Variants in ZFAT observed in about 807,000 individuals in gnomAD.
ZFAT encodes zinc finger protein ZFAT.
ZFAT carries 64 observed loss-of-function variants against 117.7 expected under a neutral mutation model. The ratio of observed to expected loss-of-function variants is 0.54; its 90% CI spans 0.44 to 0.67. ZFAT has a LOEUF of 0.67. Ranked by LOEUF, ZFAT falls within the 30% of genes least tolerant of loss-of-function variation. ZFAT has a pLI of 0.00. For missense variants in ZFAT, 1,433 were observed against 1,584.5 expected, an observed-to-expected ratio of 0.90 and a Z score of 1.62; for synonymous variants, 679 against 615.0, an observed-to-expected ratio of 1.10 and a Z score of -1.54.
the ZFAT span, among the ~76,000 whole-genome samples, chr8:134,804,667 C>T: frequency 6.6e-6 from 1 of 152,146 alleles, no homozygotes; most frequent in Non-Finnish European, 1.5e-5. Flanking sequence ...TTCTCTAAGG[C>T]CCAGCAGCAG....
chr8:134,756,387 G>T, the ZFAT span, among the ~76,000 whole-genome samples: 1 of 152,236 alleles, frequency 6.6e-6, no homozygotes, highest in Non-Finnish European at 1.5e-5. Context: ...AAACGTTCAG[G>T]AACGGGACAT....
chr8:134,635,772 G>A (rs1314185740), intron 3 of ZFAT, among the ~76,000 whole-genome samples: 5 of 152,102 alleles, frequency 3.3e-5, no homozygotes, highest in African/African-American at 1.2e-4. Context: ...CGGGTTCAGG[G>A]GAGGTCTATC....
chr8:134,669,987 G>A (rs892143146), intron 1 of ZFAT, among the ~76,000 whole-genome samples: 1 of 152,136 alleles, frequency 6.6e-6, no homozygotes, highest in African/African-American at 2.4e-5. Context: ...AACCAACAAA[G>A]ATCAAAAGAG....
chr8:134,804,625 G>A, the ZFAT span, among the ~76,000 whole-genome samples: 15 of 152,268 alleles, frequency 9.9e-5, no homozygotes, highest in South Asian at 3.1e-3. Flanking sequence ...GCAGAAACAG[G>A]AATAGGCGGT....
intron 15 of ZFAT, among the ~76,000 whole-genome samples, chr8:134,500,554 G>A (rs894132546): frequency 2.6e-5 from 4 of 152,172 alleles, no homozygotes; most frequent in Admixed American, 1.3e-4. Flanking sequence ...CAAAGAAATG[G>A]AATTTTCTGT....
chr8:134,761,837 C>A, the ZFAT span, among the ~76,000 whole-genome samples: 1 of 152,136 alleles, frequency 6.6e-6, no homozygotes, highest in Non-Finnish European at 1.5e-5. Context: ...CATTTATCAG[C>A]CCATGATCTT....
the ZFAT span, chr8:134,783,721 A>G: frequency 6.6e-6 from 1 of 152,258 alleles, no homozygotes; most frequent in Admixed American, 6.5e-5. Flanking sequence ...TTATTAGAGC[A>G]AAAGTACAGT....
Position 134,608,758 on chromosome 8 carries a change from T to C in ZFAT, c.756A>G (p.Thr252=). 2 of 1,610,900 alleles carry C rather than the reference T, an allele frequency of 1.2e-6. No individual in the cohort carries two copies. The highest frequency in any genetic ancestry group is 1.7e-6 in the Non-Finnish European group (2 of 1,178,860). Residue 252 remains threonine (T), a synonymous_variant, in exon 5 of 16, where the codon ACA becomes ACG. Coordinates refer to ENST00000377838, the MANE Select transcript of ZFAT (RefSeq NM_020863.4). ...TTGACTTCATTGGTTGCTCATAAGG[T>C]GTCTGCTGAATGGCGTATTCCTGGT... ...RGYQEYAIQQ[T]PYEQPMKSSR...
At chr8:134,610,255 G>GGCCCTCACAGCA (rs1157906255) in intron 4 of ZFAT, among the ~76,000 whole-genome samples, 10 of 152,156 alleles carry the variant, frequency 6.6e-5, no homozygotes, top group Non-Finnish European at 1.5e-4. Flanking sequence ...CAAGAGCAGC[G>GGCCCTCACAGCA]GCCCTCACAG....
chr8:134,820,998 C>G, the ZFAT span, among the ~76,000 whole-genome samples: 2 of 152,130 alleles, frequency 1.3e-5, no homozygotes, highest in Non-Finnish European at 2.9e-5. Context: ...AGCATGAGAT[C>G]TGGAATCAAA....
At chr8:134,656,297 C>T (rs1418022701) in intron 2 of ZFAT, among the ~76,000 whole-genome samples, 2 of 152,196 alleles carry the variant, frequency 1.3e-5, no homozygotes, top group Non-Finnish European at 2.9e-5. Flanking sequence ...CCTCCTCACT[C>T]CTGCTTCCTC....
the ZFAT span, among the ~76,000 whole-genome samples, chr8:134,727,066 A>G: frequency 6.6e-6 from 1 of 150,880 alleles, no homozygotes; most frequent in Non-Finnish European, 1.5e-5. Flanking sequence ...CTTGCTACCC[A>G]CTCTAACTGG....
chr8:134,565,221 C>T, intron 11 of ZFAT, 112 bp downstream of exon 11: 2 of 1,557,310 alleles, frequency 1.3e-6, no homozygotes, highest in South Asian at 1.2e-5. Flanking sequence ...AAGGGGGCCC[C>T]AAAGCGAAGG....
chr8:134,717,466 CTTTTTTTTTTTTTTTTTTT>C (rs746460924), upstream of ZFAT, among the ~76,000 whole-genome samples: 2,842 of 19,468 alleles, frequency 0.15, 249 homozygotes, highest in African/African-American at 0.28. Flanking sequence ...AATAACAACT[CTTTTTTTTTTTTTTTTTTT>C]TTTTTTTTTT....
At chr8:134,804,742 T>C in the ZFAT span, 1 of 378,770 alleles carries the variant, frequency 2.6e-6, no homozygotes, top group African/African-American at 2.1e-5. Flanking sequence ...TACATTCAAC[T>C]ATCATAATAC....
At chr8:134,505,812 T>G (rs1234741088) in intron 15 of ZFAT, among the ~76,000 whole-genome samples, 1 of 152,206 alleles carries the variant, frequency 6.6e-6, no homozygotes, top group African/African-American at 2.4e-5. Flanking sequence ...ACTTCTGACC[T>G]CCAGAATTGT....
At chr8:134,541,054 C>A (rs947618236) in intron 11 of ZFAT, among the ~76,000 whole-genome samples, 1 of 152,146 alleles carries the variant, frequency 6.6e-6, no homozygotes, top group African/African-American at 2.4e-5. Context: ...ACGTGCTGGC[C>A]AGGACAGCAG....
At chr8:134,695,577 G>A (rs35179699) in intron 1 of ZFAT, among the ~76,000 whole-genome samples, 47 of 146,066 alleles carry the variant, frequency 3.2e-4, no homozygotes, top group African/African-American at 1.1e-3. Context: ...AGGCCCAGGC[G>A]GCATCTCTAA....
the ZFAT span, among the ~76,000 whole-genome samples, chr8:134,743,522 G>A: frequency 2.6e-5 from 4 of 151,940 alleles, no homozygotes; most frequent in African/African-American, 9.7e-5. Context: ...AAAAATAAAT[G>A]AAGGAAAATG....
Sources: allele counts gnomAD v4.1 joint callset (sites outside exome capture counted in the v4.1 genomes callset), GRCh38; gene constraint gnomAD v4.1.1; transcripts MANE v1.5; gene names NCBI Gene and HGNC (gene_info 2026-07-23, HGNC 2026-07-21).